Variants in PDSS2 observed in about 807,000 individuals in gnomAD.
PDSS2 encodes decaprenyl diphosphate synthase subunit 2.
In PDSS2, 31 loss-of-function variants were observed where a neutral mutation model predicts 44.5. The ratio of observed to expected loss-of-function variants is 0.70; its 90% CI spans 0.52 to 0.94. The LOEUF (loss-of-function observed/expected upper bound fraction) is 0.94. PDSS2 is among the 40% of genes least tolerant of loss of function. The probability of loss-of-function intolerance (pLI) is 0.00; values close to 1 mark genes in which losing one functional copy is unlikely to be tolerated. For missense variants in PDSS2, 452 were observed against 482.2 expected (o/e 0.94, Z 0.59); for synonymous variants, 157 against 180.3 (o/e 0.87, Z 1.03).
intron 4 of PDSS2, among the ~76,000 whole-genome samples, chr6:107,214,345 C>T (rs1773338086): frequency 6.6e-6 from 1 of 152,110 alleles, no homozygotes; most frequent in African/African-American, 2.4e-5. Context: ...CCCGCCTCGG[C>T]CTCCCAAAGT....
intron 1 of PDSS2, among the ~76,000 whole-genome samples, chr6:107,401,726 T>G (rs1780110547): frequency 6.6e-6 from 1 of 152,106 alleles, no homozygotes; most frequent in Non-Finnish European, 1.5e-5. Context: ...AATGAAAAAC[T>G]TGTTCAAGGA....
intron 1 of PDSS2, among the ~76,000 whole-genome samples, chr6:107,355,799 T>A (rs544455675): frequency 2.6e-5 from 4 of 152,340 alleles, no homozygotes; most frequent in Middle Eastern, 6.8e-3. Flanking sequence ...GCTTTAAATA[T>A]AACAATAGTC....
rs972358859 is a variant in PDSS2, at chr6:107,338,629, C to G, written c.297-4297G>C. ...CACAATTCAGGGGATGTCAAAGAGA[C>G]TTCCGTGAGATCTAAAGGATGAGTG... On this transcript the variant is annotated intron_variant, in intron 1 of 7. Transcript: ENST00000369037. Among the ~76,000 whole-genome samples, 5 of 152,168 alleles carry G rather than the reference C, an allele frequency of 3.3e-5. No individual in the cohort carries two copies. The South Asian group carries it at 1.0e-3, about 32-fold the overall frequency.
At chr6:107,330,593 T>C (rs1192577123) in intron 2 of PDSS2, among the ~76,000 whole-genome samples, 5 of 152,120 alleles carry the variant, frequency 3.3e-5, no homozygotes, top group Non-Finnish European at 5.9e-5. Flanking sequence ...AAATCTATAG[T>C]TTTTAATATG....
intron 6 of PDSS2, among the ~76,000 whole-genome samples, chr6:107,203,110 T>A (rs1772844128): frequency 6.6e-6 from 1 of 152,164 alleles, no homozygotes; most frequent in Non-Finnish European, 1.5e-5. Flanking sequence ...ATAGTAGAAT[T>A]TAGTTGCTTC....
intron 7 of PDSS2, among the ~76,000 whole-genome samples, chr6:107,165,545 C>T (rs1236519012): frequency 6.6e-6 from 1 of 152,170 alleles, no homozygotes; most frequent in Non-Finnish European, 1.5e-5. Context: ...GGTACCAGTA[C>T]CATGCTGTTT....
chr6:107,420,364 A>T (rs1780786037), intron 1 of PDSS2, among the ~76,000 whole-genome samples: 1 of 152,204 alleles, frequency 6.6e-6, no homozygotes, highest in South Asian at 2.1e-4. Flanking sequence ...AGATACAGAC[A>T]AGCTTATTCT....
intron 1 of PDSS2, among the ~76,000 whole-genome samples, chr6:107,423,571 A>G (rs1489876657): frequency 6.6e-6 from 1 of 152,206 alleles, no homozygotes; most frequent in Non-Finnish European, 1.5e-5. Flanking sequence ...GAAATGTCCA[A>G]GTTTAATAAT....
At chr6:107,417,998 T>C (rs528445864) in intron 1 of PDSS2, among the ~76,000 whole-genome samples, 2 of 152,240 alleles carry the variant, frequency 1.3e-5, no homozygotes, top group South Asian at 2.1e-4. Flanking sequence ...ATATTTACCA[T>C]GATTATATTT....
At chr6:107,209,993 T>A (rs1403833756) in intron 6 of PDSS2, among the ~76,000 whole-genome samples, 1 of 151,908 alleles carries the variant, frequency 6.6e-6, no homozygotes, top group Non-Finnish European at 1.5e-5. Flanking sequence ...GCTTTGATAA[T>A]GCCTCAGAAC....
At chr6:107,230,683 C>A (rs1020452084) in intron 4 of PDSS2, among the ~76,000 whole-genome samples, 1 of 151,534 alleles carries the variant, frequency 6.6e-6, no homozygotes, top group African/African-American at 2.4e-5. Flanking sequence ...GCATGTTTTT[C>A]TCATAGTGAT....
intron 1 of PDSS2, among the ~76,000 whole-genome samples, chr6:107,397,296 T>A (rs151049542): frequency 6.6e-6 from 1 of 152,038 alleles, no homozygotes; most frequent in South Asian, 2.1e-4. Context: ...TACAAAAGCA[T>A]TGGAAGGTAA....
At chr6:107,165,263 G>A (rs1223412736) in intron 7 of PDSS2, among the ~76,000 whole-genome samples, 1 of 152,158 alleles carries the variant, frequency 6.6e-6, no homozygotes, top group South Asian at 2.1e-4. Flanking sequence ...GAATGGCATT[G>A]CCTAGGTTTT....
intron 1 of PDSS2, among the ~76,000 whole-genome samples, chr6:107,380,997 T>C (rs1779437801): frequency 6.6e-6 from 1 of 152,210 alleles, no homozygotes; most frequent in Admixed American, 6.5e-5. Flanking sequence ...TAAAGTTTTA[T>C]TTTAGTGTGA....
chr6:107,265,372 G>T lies in PDSS2; in HGVS notation c.630+8657C>A, dbSNP rs184689685. Among the ~76,000 whole-genome samples, 639 of 152,208 alleles carry T rather than the reference G, an allele frequency of 4.2e-3. 5 individuals carry two copies. Among genetic ancestry groups the T allele is most frequent in the Middle Eastern group, 0.014 (4 of 294 alleles). On this transcript the variant is annotated intron_variant, in intron 3 of 7. Transcript: ENST00000369037. ...AGAATCCAGTAGCACAAGAAAATGA[G>T]AAATTGGTAGAATGAATAAGTCATA...
At chr6:107,300,519 A>C (rs1397875823) in intron 2 of PDSS2, among the ~76,000 whole-genome samples, 2 of 152,182 alleles carry the variant, frequency 1.3e-5, no homozygotes, top group African/African-American at 4.8e-5. Context: ...CTTGTAACTC[A>C]GCTCACACCC....
intron 3 of PDSS2, among the ~76,000 whole-genome samples, chr6:107,255,885 G>C (rs77854485): frequency 0.023 from 3,471 of 152,236 alleles, 141 homozygotes; most frequent in African/African-American, 0.079. Context: ...TAAACAGAGA[G>C]GCAAGATAAA....
chr6:107,198,697 G>A (rs551560230), intron 6 of PDSS2, among the ~76,000 whole-genome samples: 4 of 152,070 alleles, frequency 2.6e-5, no homozygotes, highest in South Asian at 2.1e-4. Flanking sequence ...GGCTCATGCC[G>A]GTAATTCCAA....
intron 1 of PDSS2, among the ~76,000 whole-genome samples, chr6:107,429,901 A>AATAT (rs869061691): frequency 3.4e-3 from 109 of 31,648 alleles, no homozygotes; most frequent in East Asian, 0.013. Flanking sequence ...AAAAAAAAAA[A>AATAT]ATATATATAT....
Sources: allele counts gnomAD v4.1 joint callset (sites outside exome capture counted in the v4.1 genomes callset), GRCh38; gene constraint gnomAD v4.1.1; transcripts MANE v1.5; gene names NCBI Gene and HGNC (gene_info 2026-07-23, HGNC 2026-07-21).